Variants in ERI3 observed in about 807,000 individuals in gnomAD.
The protein encoded by ERI3 is ERI1 exoribonuclease family member 3.
Under a neutral mutation model 44.4 loss-of-function variants are expected in ERI3, and 18 were observed. The observed-to-expected ratio is 0.41, with a 90% CI of 0.28 to 0.60. The LOEUF (loss-of-function observed/expected upper bound fraction) is 0.60. Among genes scored for constraint, ERI3 ranks in the 20% least tolerant of loss-of-function variants. The probability of loss-of-function intolerance (pLI) is 0.36; values close to 1 mark genes in which losing one functional copy is unlikely to be tolerated. For synonymous variants in ERI3, 183 were observed against 164.8 expected (o/e 1.11, Z -0.84); for missense variants, 294 against 435.5 (o/e 0.68, Z 2.89).
In ERI3 at chr1:44,250,818, T is replaced by C. The variant is rs940221641; in HGVS notation, c.832-2780A>G. ...GGGATTTAATTTTTACAAATGCTGC[T>C]TCCAGCGGGACCTTCACATACCAGC... On this transcript the variant is annotated intron_variant, in intron 7 of 8. Coordinates refer to ENST00000372257, the MANE Select transcript of ERI3 (RefSeq NM_024066.3). Among the ~76,000 whole-genome samples the C allele has an allele frequency of 6.6e-5, 10 of 152,190 alleles. 1 individual carries two copies. In the South Asian group the frequency reaches 2.1e-3, roughly 32 times the overall value.
intron 6 of ERI3, 141 bp downstream of exon 6, chr1:44,308,169 A>G: frequency 5.8e-6 from 4 of 687,838 alleles, no homozygotes; most frequent in Non-Finnish European, 2.6e-6. Flanking sequence ...AGGGCTCCCA[A>G]CCGTCTTCTA....
rs1643901409 is a variant in ERI3, at chr1:44,221,718, G to T, written c.932-78C>A. The T allele has an allele frequency of 6.6e-6, 8 of 1,214,362 alleles. No homozygotes were observed. Among genetic ancestry groups the T allele is most frequent in the East Asian group, 2.4e-5 (1 of 42,520 alleles). 75.2% of individuals were successfully genotyped at this position (1,214,362 alleles called of 1,614,324 possible). ...CCACAGGTGCTCTTACAAGGGTGGG[G>T]GTGGGAAGCAGGGTCAGATTCAGGA... On this transcript the variant is annotated intron_variant, in intron 8 of 8. Coordinates refer to ENST00000372257, the MANE Select transcript of ERI3 (RefSeq NM_024066.3). This position sits in a 1 kb window ranked among gnomAD's most constrained non-coding sequence, Gnocchi z 5.9.
chr1:44,247,817 A>G, intron 8 of ERI3, 122 bp downstream of exon 8: 2 of 504,730 alleles, frequency 4.0e-6, no homozygotes, highest in Non-Finnish European at 6.6e-6. Flanking sequence ...CCCCCCACCT[A>G]TGTAGAGAGC....
intron 4 of ERI3, among the ~76,000 whole-genome samples, chr1:44,318,657 C>T (rs1646138707): frequency 6.6e-6 from 1 of 152,244 alleles, no homozygotes; most frequent in Non-Finnish European, 1.5e-5. Context: ...CCTCAGGGCC[C>T]ACCAGGGTCA....
chr1:44,308,458 G>T, intron 5 of ERI3, 57 bp from the exon 6 acceptor site: 1 of 1,359,394 alleles, frequency 7.4e-7, no homozygotes, highest in Non-Finnish European at 1.1e-6. Context: ...AGCCTGTGAA[G>T]AGCCACAACA....
rs930269729 is a variant in ERI3, at chr1:44,241,670, G to C, written c.931+6269C>G. Among the ~76,000 whole-genome samples the C allele has an allele frequency of 6.6e-6, 1 of 152,136 alleles. No individual in the cohort carries two copies. Among genetic ancestry groups the C allele is most frequent in the African/African-American group, 2.4e-5 (1 of 41,422 alleles). ...TTGGCCGGCATTGATCTGTCTTTCT[G>C]ATTTCTTTGTCATTTAAGTCTGCGA... On this transcript the variant is annotated intron_variant, in intron 8 of 8. Transcript: ENST00000372257. The surrounding 1 kb of genome is among the most constrained non-coding windows in gnomAD (Gnocchi z 5.6).
intron 8 of ERI3, chr1:44,244,404 C>T (rs1252235447): frequency 6.5e-6 from 1 of 152,836 alleles, no homozygotes; most frequent in African/African-American, 2.4e-5. Context: ...TTGGCCATCC[C>T]TAAACCTGAC....
At chr1:44,246,677 C>CA (rs2154318030) in intron 8 of ERI3, among the ~76,000 whole-genome samples, 1 of 152,338 alleles carries the variant, frequency 6.6e-6, no homozygotes, top group South Asian at 2.1e-4. Flanking sequence ...ACCTTTGGGG[C>CA]AACCCAGGTG....
At chr1:44,306,388 A>G (rs1449891246) in intron 6 of ERI3, among the ~76,000 whole-genome samples, 2 of 152,246 alleles carry the variant, frequency 1.3e-5, no homozygotes, top group Non-Finnish European at 2.9e-5. Flanking sequence ...ACCACCCACC[A>G]GAGACGGCAG....
chr1:44,226,018 C>T (rs768452966), intron 8 of ERI3, among the ~76,000 whole-genome samples: 10 of 152,192 alleles, frequency 6.6e-5, no homozygotes, highest in Admixed American at 2.0e-4. Context: ...GAGAAAAGGA[C>T]GCATGGAAAA....
chr1:44,320,973 C>T (rs1171262355), intron 3 of ERI3, among the ~76,000 whole-genome samples: 2 of 152,134 alleles, frequency 1.3e-5, no homozygotes, highest in Non-Finnish European at 1.5e-5. Context: ...CTGGAGAAGA[C>T]CTTTCCAGTA....
chr1:44,309,815 G>T (rs758702976), intron 5 of ERI3, among the ~76,000 whole-genome samples: 2 of 151,904 alleles, frequency 1.3e-5, no homozygotes, highest in Non-Finnish European at 2.9e-5. Flanking sequence ...TGCCCGCCTC[G>T]GCCTCCCAAA....
intron 3 of ERI3, among the ~76,000 whole-genome samples, chr1:44,324,334 G>C (rs879629294): frequency 2.0e-5 from 3 of 152,040 alleles, no homozygotes; most frequent in African/African-American, 4.8e-5. Flanking sequence ...ATATTTCACA[G>C]TTCAAAGCAC....
At chr1:44,340,026 G>T (rs1328645147) in intron 2 of ERI3, among the ~76,000 whole-genome samples, 1 of 151,820 alleles carries the variant, frequency 6.6e-6, no homozygotes, top group Non-Finnish European at 1.5e-5. Flanking sequence ...CTTAGACTCG[G>T]TCTCTACTCG....
chr1:44,238,660 G>A (rs1234546153), intron 8 of ERI3, among the ~76,000 whole-genome samples: 1 of 152,114 alleles, frequency 6.6e-6, no homozygotes, highest in Non-Finnish European at 1.5e-5. Context: ...GGATGCCTGA[G>A]AGCCTCCTCT....
chr1:44,286,349 G>A (rs1645393877), intron 6 of ERI3, among the ~76,000 whole-genome samples: 1 of 152,156 alleles, frequency 6.6e-6, no homozygotes, highest in Non-Finnish European at 1.5e-5. Flanking sequence ...CTCGATGTCT[G>A]CTGAGTTTGA....
intron 8 of ERI3, among the ~76,000 whole-genome samples, chr1:44,232,114 C>T (rs891801490): frequency 6.6e-6 from 1 of 152,016 alleles, no homozygotes; most frequent in Non-Finnish European, 1.5e-5. Flanking sequence ...ATAATAAATC[C>T]CCTTATTTAA....
intron 2 of ERI3, among the ~76,000 whole-genome samples, chr1:44,349,284 C>T (rs962594695): frequency 3.9e-5 from 6 of 152,202 alleles, no homozygotes; most frequent in Non-Finnish European, 7.3e-5. Flanking sequence ...TCCTCAATAG[C>T]TGGGACTACA....
At chr1:44,248,067 G>A (rs1030448678) in intron 7 of ERI3, 29 bp from the exon 8 acceptor site, 1 of 1,579,724 alleles carries the variant, frequency 6.3e-7, no homozygotes. Context: ...GTGGTTAACG[G>A]AGGCCCTGAC....
Sources: gnomAD v4.1 joint callset for allele counts (sites outside exome capture counted in the v4.1 genomes callset) on GRCh38, gnomAD v4.1.1 for gene constraint, Gnocchi (gnomAD v3.1) non-coding constraint, MANE v1.5 for transcripts, NCBI Gene and HGNC (gene_info 2026-07-23, HGNC 2026-07-21) for gene names.